The following ARHGAP18 variants were observed in gnomAD, a reference collection of about 807,000 sequenced individuals.
ARHGAP18 encodes the protein Rho GTPase activating protein 18.
In ARHGAP18, 67 loss-of-function variants were observed where a neutral mutation model predicts 86.2. The ratio of observed to expected loss-of-function variants is 0.78; its 90% CI spans 0.64 to 0.95. The LOEUF (loss-of-function observed/expected upper bound fraction) is 0.95. ARHGAP18 is among the 40% of genes least tolerant of loss of function. ARHGAP18 has a pLI of 0.00. For missense variants in ARHGAP18, 691 were observed against 780.4 expected, an observed-to-expected ratio of 0.89 and a Z score of 1.37; for synonymous variants, 283 against 280.4, an observed-to-expected ratio of 1.01 and a Z score of -0.09.
Position 129,618,712 on chromosome 6 carries a change from T to C in ARHGAP18, c.927A>G (p.Gln309=). 1.2e-6 allele frequency: 2 copies of C among 1,606,332 alleles called. No individual in the cohort carries two copies. Among genetic ancestry groups the C allele is most frequent in the Non-Finnish European group, 8.5e-7 (1 of 1,176,672 alleles). The change falls in exon 6 of 15, where the codon CAA becomes CAG. Residue 309 remains glutamine (Q), a synonymous_variant. Coordinates refer to ENST00000368149, the MANE Select transcript of ARHGAP18 (RefSeq NM_033515.3). ...YDVLGIELKQ[Q]KAVKIKTKDS... ...CTTTTGTTTTGATTTTCACAGCTTT[T>C]TGTTGTTTCAGCTCAATACCCAATA...
chr6:129,634,700 T>C (rs1020586660), intron 3 of ARHGAP18, among the ~76,000 whole-genome samples: 2 of 152,116 alleles, frequency 1.3e-5, no homozygotes, highest in South Asian at 4.1e-4. Context: ...ATACAGGCTT[T>C]CTTTTGGAGA....
intron 13 of ARHGAP18, among the ~76,000 whole-genome samples, chr6:129,580,693 C>T (rs1788270006): frequency 6.6e-6 from 1 of 152,028 alleles, no homozygotes; most frequent in Non-Finnish European, 1.5e-5. Context: ...GGCAACATGG[C>T]AAAACCCCAT....
intron 5 of ARHGAP18, among the ~76,000 whole-genome samples, chr6:129,626,190 G>T (rs1789468086): frequency 6.7e-6 from 1 of 148,908 alleles, no homozygotes; most frequent in Non-Finnish European, 1.5e-5. Context: ...CTGTACAATG[G>T]AGTACAATGT....
chr6:129,710,000 T>G, intron 1 of ARHGAP18, 24 bp downstream of exon 1: 1 of 1,592,752 alleles, frequency 6.3e-7, no homozygotes, highest in Non-Finnish European at 8.6e-7. Context: ...GGTTTTGTTT[T>G]GTTTTCAGCT....
intron 1 of ARHGAP18, among the ~76,000 whole-genome samples, chr6:129,645,433 T>C (rs1388657663): frequency 6.6e-6 from 1 of 152,186 alleles, no homozygotes; most frequent in Non-Finnish European, 1.5e-5. Context: ...TATTTTATAT[T>C]TCCAAAAGAT....
intron 5 of ARHGAP18, among the ~76,000 whole-genome samples, chr6:129,625,775 TTATATATATAA>T (rs1562698253): frequency 1.5e-5 from 1 of 65,810 alleles, no homozygotes; most frequent in Non-Finnish European, 2.6e-5. Context: ...TTATATATAT[TTATATATATAA>T]TATATATTTT....
At chr6:129,637,284 C>T (rs571185730) in intron 3 of ARHGAP18, among the ~76,000 whole-genome samples, 15 of 152,160 alleles carry the variant, frequency 9.9e-5, no homozygotes, top group African/African-American at 3.4e-4. Flanking sequence ...AGGCTGGTCT[C>T]GAACTCTCCA....
Position 129,578,416 on chromosome 6 carries a change from G to C in ARHGAP18, c.*97C>G. The C allele has an allele frequency of 1.1e-6, 1 of 913,120 alleles. No individual in the cohort carries two copies. Among genetic ancestry groups the C allele is most frequent in the Non-Finnish European group, 1.7e-6 (1 of 601,544 alleles). 56.6% of individuals were successfully genotyped at this position (913,120 alleles called of 1,614,324 possible). On this transcript the variant is annotated 3_prime_UTR_variant, in exon 15 of 15. Transcript: ENST00000368149. The stretch of plus-strand genomic sequence containing the variant: ...CATTTTTAAATACTTGGGTACAACT[G>C]AATAATATGAGTCCTGCCATTTCTT...
chr6:129,589,562 T>C (rs531517680), intron 12 of ARHGAP18, among the ~76,000 whole-genome samples: 1 of 152,258 alleles, frequency 6.6e-6, no homozygotes, highest in South Asian at 2.1e-4. Flanking sequence ...GTCCTCCAAG[T>C]CTCTAGTTCC....
At chr6:129,685,283 G>A (rs971018433) in intron 1 of ARHGAP18, among the ~76,000 whole-genome samples, 15 of 152,108 alleles carry the variant, frequency 9.9e-5, no homozygotes, top group African/African-American at 3.1e-4. Flanking sequence ...GAGGTGGGCG[G>A]ATCAATTGAG....
intron 10 of ARHGAP18, among the ~76,000 whole-genome samples, chr6:129,601,087 G>T (rs1318698251): frequency 6.6e-6 from 1 of 152,198 alleles, no homozygotes; most frequent in Non-Finnish European, 1.5e-5. Context: ...ATGGCACATA[G>T]CTGAACTAGG....
chr6:129,625,706 AT>A (rs1789418543), intron 5 of ARHGAP18, among the ~76,000 whole-genome samples: 2 of 62,126 alleles, frequency 3.2e-5, no homozygotes, highest in Non-Finnish European at 5.5e-5. Context: ...ATATTTATAT[AT>A]TATATATTTA....
chr6:129,580,293 A>G lies in ARHGAP18; in HGVS notation c.1839-162T>C, dbSNP rs6925720. Among the ~76,000 whole-genome samples, 1,097 of 152,350 alleles carry G rather than the reference A, an allele frequency of 7.2e-3. 10 individuals carry two copies. The highest frequency in any genetic ancestry group is 0.025 in the African/African-American group (1,037 of 41,568). ...TTTTCCCATCTGTTAAATGTACCCA[A>G]TAGGTAATAAAAGTATCACACCTGT... On this transcript the variant is annotated intron_variant, in intron 13 of 14. Coordinates refer to ENST00000368149, the MANE Select transcript of ARHGAP18 (RefSeq NM_033515.3).
chr6:129,675,967 T>C (rs953502158), intron 1 of ARHGAP18, among the ~76,000 whole-genome samples: 1 of 152,162 alleles, frequency 6.6e-6, no homozygotes, highest in Non-Finnish European at 1.5e-5. Flanking sequence ...GGCCACTGGG[T>C]CATTTTAAAT....
intron 7 of ARHGAP18, 34 bp from the exon 8 acceptor site, chr6:129,611,644 T>C (rs949243716): frequency 5.7e-6 from 9 of 1,577,196 alleles, no homozygotes; most frequent in African/African-American, 2.7e-5. Context: ...CTAATTTCCG[T>C]ATTTGTAACA....
chr6:129,621,944 C>A (rs752645968), intron 5 of ARHGAP18, among the ~76,000 whole-genome samples: 13 of 152,208 alleles, frequency 8.5e-5, no homozygotes, highest in Non-Finnish European at 1.9e-4. Context: ...AGTTTTGTAA[C>A]CATTCTGTTC....
At chr6:129,689,722 G>A (rs1216853591) in intron 1 of ARHGAP18, among the ~76,000 whole-genome samples, 1 of 152,172 alleles carries the variant, frequency 6.6e-6, no homozygotes, top group Non-Finnish European at 1.5e-5. Flanking sequence ...CAGCATAATT[G>A]CAGGAATCCT....
chr6:129,663,000 T>C (rs1031629097), intron 1 of ARHGAP18, among the ~76,000 whole-genome samples: 1 of 152,170 alleles, frequency 6.6e-6, no homozygotes, highest in African/African-American at 2.4e-5. Context: ...ATTATCACAA[T>C]AACGAGACTA....
In ARHGAP18 at chr6:129,577,401, C is replaced by A. The variant is rs1180146301; in HGVS notation, c.*1112G>T. 1 of 152,136 alleles carries A rather than the reference C, an allele frequency of 6.6e-6. No individual in the cohort carries two copies. The highest frequency in any genetic ancestry group is 1.5e-5 in the Non-Finnish European group (1 of 67,996). The allele number at this position is 152,136 out of a possible 1,614,324, so 9.4% of individuals were successfully genotyped here. ...TCATAAAATATTTAACATTTCTCTACTTCATTTCTTATTTACAGTACAGAG... is the reference window on the plus strand; with the variant it reads ...TCATAAAATATTTAACATTTCTCTAATTCATTTCTTATTTACAGTACAGAG... On this transcript the variant is annotated 3_prime_UTR_variant, in exon 15 of 15. Coordinates refer to ENST00000368149, the MANE Select transcript of ARHGAP18 (RefSeq NM_033515.3).
Sources: gnomAD v4.1 joint callset for allele counts (sites outside exome capture counted in the v4.1 genomes callset) on GRCh38, gnomAD v4.1.1 for gene constraint, MANE v1.5 for transcripts, NCBI Gene and HGNC (gene_info 2026-07-23, HGNC 2026-07-21) for gene names.